Variants in GAP43 observed in about 807,000 individuals in gnomAD.
GAP43 encodes growth associated protein 43.
Under a neutral mutation model 18.6 loss-of-function variants are expected in GAP43, and 6 were observed. That is an observed-to-expected ratio of 0.32 (90% CI 0.18 to 0.64). The LOEUF (loss-of-function observed/expected upper bound fraction) is 0.64. Among genes scored for constraint, GAP43 ranks in the 30% least tolerant of loss-of-function variants. The pLI, the probability that GAP43 is intolerant of heterozygous loss-of-function variation, is 0.78. For synonymous variants in GAP43, 115 were observed against 111.4 expected, an observed-to-expected ratio of 1.03 and a Z score of -0.20; for missense variants, 292 against 295.5, an observed-to-expected ratio of 0.99 and a Z score of 0.09.
At chr3:115,640,946 TCTCC>T (rs1003451678) in intron 1 of GAP43, among the ~76,000 whole-genome samples, 4 of 145,630 alleles carry the variant, frequency 2.7e-5, no homozygotes, top group African/African-American at 4.9e-5. Flanking sequence ...TCTCTTTCTT[TCTCC>T]CTCCCTCCCT....
At chr3:115,627,404 C>A (rs1708203691) in intron 1 of GAP43, among the ~76,000 whole-genome samples, 1 of 151,088 alleles carries the variant, frequency 6.6e-6, no homozygotes, top group Admixed American at 6.6e-5. Context: ...CTACAGAAAC[C>A]TCCTTTGATG....
At chr3:115,641,510 T>TCACACACACACACACACACACACA (rs376412583) in intron 1 of GAP43, among the ~76,000 whole-genome samples, 8 of 106,956 alleles carry the variant, frequency 7.5e-5, no homozygotes, top group African/African-American at 1.1e-4. Context: ...ATATATATAT[T>TCACACACACACACACACACACACA]CACACACACA....
At chr3:115,634,017 C>G (rs1248459353) in intron 1 of GAP43, among the ~76,000 whole-genome samples, 1 of 152,110 alleles carries the variant, frequency 6.6e-6, no homozygotes, top group East Asian at 1.9e-4. Context: ...AATATTTGCT[C>G]TAAATGTAGA....
chr3:115,682,837 T>G (rs1359962535), intron 2 of GAP43, among the ~76,000 whole-genome samples: 1 of 152,158 alleles, frequency 6.6e-6, no homozygotes, highest in Non-Finnish European at 1.5e-5. Flanking sequence ...GCCCTTTTAT[T>G]AACTCTTTAG....
intron 1 of GAP43, among the ~76,000 whole-genome samples, chr3:115,627,243 A>T (rs1219697119): frequency 1.3e-5 from 2 of 149,458 alleles, no homozygotes; most frequent in African/African-American, 2.5e-5. Context: ...CTTCTAACCC[A>T]TGCCAGGGCG....
At chr3:115,630,627 C>T (rs1391457833) in intron 1 of GAP43, among the ~76,000 whole-genome samples, 1 of 152,182 alleles carries the variant, frequency 6.6e-6, no homozygotes, top group Non-Finnish European at 1.5e-5. Flanking sequence ...TGAAGTTTGT[C>T]TTCAACTGGT....
intron 1 of GAP43, among the ~76,000 whole-genome samples, chr3:115,659,626 G>GA (rs1708632026): frequency 6.8e-6 from 1 of 147,558 alleles, no homozygotes; most frequent in Non-Finnish European, 1.5e-5. Context: ...ATTAGAGAGA[G>GA]AGAAAAGGGA....
chr3:115,700,791 C>G (rs762686533), intron 2 of GAP43, among the ~76,000 whole-genome samples: 1 of 152,130 alleles, frequency 6.6e-6, no homozygotes, highest in Non-Finnish European at 1.5e-5. Context: ...AAAATTAACT[C>G]TATTTTTTCT....
rs1382701274 is a variant in GAP43 at position 115,721,397 on chromosome 3, A to G, written c.*515A>G. ...CCCAGTTTGTTTTAAAAATAAATAA[A>G]TAAAGCAAATGTGCCAATTAGCGTA... On this transcript the variant is annotated 3_prime_UTR_variant, in exon 3 of 3. Transcript: ENST00000305124. 6.6e-6 allele frequency: 1 copy of G among 152,262 alleles called. No homozygotes were observed. The highest frequency in any genetic ancestry group is 1.5e-5 in the Non-Finnish European group (1 of 68,072). The allele number at this position is 152,262 out of a possible 1,614,324, so 9.4% of individuals were successfully genotyped here. A position where few individuals can be genotyped will look rare whatever the true frequency, so the allele number is the denominator to read the frequency against.
chr3:115,643,773 T>C (rs1214436816), intron 1 of GAP43, among the ~76,000 whole-genome samples: 1 of 152,040 alleles, frequency 6.6e-6, no homozygotes, highest in Non-Finnish European at 1.5e-5. Flanking sequence ...TCAAGATACT[T>C]ATTACAATCT....
At chr3:115,651,049 T>TGG (rs1161363795) in intron 1 of GAP43, among the ~76,000 whole-genome samples, 1 of 152,146 alleles carries the variant, frequency 6.6e-6, no homozygotes, top group Non-Finnish European at 1.5e-5. Context: ...GGAGGATTGT[T>TGG]TAAATCCAGG....
intron 1 of GAP43, among the ~76,000 whole-genome samples, chr3:115,630,140 T>C (rs1708243930): frequency 6.6e-6 from 1 of 152,200 alleles, no homozygotes; most frequent in Non-Finnish European, 1.5e-5. Flanking sequence ...CACTCACTGC[T>C]TTGCTTCACA....
chr3:115,711,674 T>C (rs1234810840), intron 2 of GAP43, among the ~76,000 whole-genome samples: 2 of 152,194 alleles, frequency 1.3e-5, no homozygotes, highest in Admixed American at 1.3e-4. Context: ...ATCTTTAGGC[T>C]GACTCTGCAT....
chr3:115,623,681 G>T lies in GAP43; in HGVS notation c.-9G>T. 5 of 1,614,162 alleles carry T rather than the reference G, an allele frequency of 3.1e-6. No homozygotes were observed. The highest frequency in any genetic ancestry group is 4.2e-6 in the Non-Finnish European group (5 of 1,179,982). On this transcript the variant is annotated 5_prime_UTR_variant, in exon 1 of 3. Coordinates refer to ENST00000305124, the MANE Select transcript of GAP43 (RefSeq NM_002045.4). ...AGAAGGCAGGAAGAAGGCAAGGGACGAGACAACCATGCTGTGCTGTATGAG... is the reference window on the plus strand; with the variant it reads ...AGAAGGCAGGAAGAAGGCAAGGGACTAGACAACCATGCTGTGCTGTATGAG...
chr3:115,720,998 C>A lies in GAP43; in HGVS notation c.*116C>A. 2.0e-6 allele frequency: 1 copy of A among 492,106 alleles called. No homozygotes were observed. Among genetic ancestry groups the A allele is most frequent in the East Asian group, 3.3e-5 (1 of 29,854 alleles). The allele number at this position is 492,106 out of a possible 1,614,324, so 30.5% of individuals were successfully genotyped here. A position where few individuals can be genotyped will look rare whatever the true frequency, so the allele number is the denominator to read the frequency against. On this transcript the variant is annotated 3_prime_UTR_variant, in exon 3 of 3. Coordinates refer to ENST00000305124, the MANE Select transcript of GAP43 (RefSeq NM_002045.4). ...TCCTGTCCTGCTCACGTCTGTGAGTCTGTCCTTTCCCACCCACTAGCCCTC... is the reference window on the plus strand; with the variant it reads ...TCCTGTCCTGCTCACGTCTGTGAGTATGTCCTTTCCCACCCACTAGCCCTC...
chr3:115,643,399 C>T (rs1708421954), intron 1 of GAP43, among the ~76,000 whole-genome samples: 1 of 151,966 alleles, frequency 6.6e-6, no homozygotes, highest in Admixed American at 6.6e-5. Flanking sequence ...CTAGCCTTGC[C>T]ATTAATACTG....
intron 1 of GAP43, among the ~76,000 whole-genome samples, chr3:115,647,553 AG>A (rs35960826): frequency 6.6e-6 from 1 of 151,916 alleles, no homozygotes; most frequent in Non-Finnish European, 1.5e-5. Context: ...GGAAAAAACT[AG>A]GAGAGTGCCC....
chr3:115,684,644 G>T (rs1709011946), intron 2 of GAP43, among the ~76,000 whole-genome samples: 1 of 152,146 alleles, frequency 6.6e-6, no homozygotes. Flanking sequence ...CTCTCTGAGG[G>T]TGTGTGTGAA....
rs71141833 is a variant in GAP43, at chr3:115,696,578, G to GCC, written c.628+19979_628+19980dup. On this transcript the variant is annotated intron_variant, in intron 2 of 2. Coordinates refer to ENST00000305124, the MANE Select transcript of GAP43 (RefSeq NM_002045.4). The stretch of plus-strand genomic sequence containing the variant: ...ACTGATTTCCTTGCTGCCCCCCACC[G>GCC]CCCCCCCCCCCCACAAACAGGTATG... Among the ~76,000 whole-genome samples, 271 of 55,156 alleles carry GCC rather than the reference G, an allele frequency of 4.9e-3. 3 individuals carry two copies. Among genetic ancestry groups the GCC allele is most frequent in the East Asian group, 0.022 (26 of 1,190 alleles). 36.2% of individuals were successfully genotyped at this position (55,156 alleles called of 152,430 possible).
Sources: gnomAD v4.1 joint callset for allele counts (sites outside exome capture counted in the v4.1 genomes callset) on GRCh38, gnomAD v4.1.1 for gene constraint, MANE v1.5 for transcripts, NCBI Gene and HGNC (gene_info 2026-07-23, HGNC 2026-07-21) for gene names.